The following SLC8B1 variants were observed in gnomAD, a reference collection of about 807,000 sequenced individuals.
SLC8B1 encodes mitochondrial sodium/calcium exchanger protein.
A neutral mutation model predicts 63.4 loss-of-function variants in SLC8B1; 52 were observed. The ratio of observed to expected loss-of-function variants is 0.82; its 90% CI spans 0.66 to 1.03. The LOEUF (loss-of-function observed/expected upper bound fraction) is 1.03, where lower values mean the gene tolerates loss of function less well. SLC8B1 is among the 50% of genes least tolerant of loss of function. The pLI is 0.00. For synonymous variants in SLC8B1, 336 were observed against 323.9 expected (o/e 1.04, Z -0.40); for missense variants, 657 against 741.7 (o/e 0.89, Z 1.33).
rs1956901794 is a variant in SLC8B1, at chr12:113,320,242, C to T, written c.694+89G>A. 2 of 1,454,318 alleles carry T rather than the reference C, an allele frequency of 1.4e-6. No individual in the cohort carries two copies. The highest frequency in any genetic ancestry group is 2.2e-5 in the Admixed American group (1 of 45,912). 90.1% of individuals were successfully genotyped at this position (1,454,318 alleles called of 1,614,324 possible). On this transcript the variant is annotated intron_variant, in intron 7 of 15. Coordinates refer to ENST00000680972, the MANE Select transcript of SLC8B1 (RefSeq NM_001358345.2). This position sits in a 1 kb window ranked among gnomAD's most constrained non-coding sequence, Gnocchi z 5.3. ...TAATCAAATCAAAGCCCCCACTGACCACCCCTCACACCTCTCTGTCCCAGG... is the reference window on the plus strand; with the variant it reads ...TAATCAAATCAAAGCCCCCACTGACTACCCCTCACACCTCTCTGTCCCAGG...
At chr12:113,322,326 T>A (rs917158263) in intron 2 of SLC8B1, among the ~76,000 whole-genome samples, 2 of 152,188 alleles carry the variant, frequency 1.3e-5, no homozygotes, top group Non-Finnish European at 2.9e-5. Flanking sequence ...CAGGCAGTTT[T>A]AGGCTCTAGG....
intron 15 of SLC8B1, among the ~76,000 whole-genome samples, chr12:113,303,114 G>GACACACACACACACACAC (rs57763094): frequency 2.8e-5 from 4 of 140,858 alleles, no homozygotes; most frequent in African/African-American, 1.1e-4. Flanking sequence ...AAAGGCGGTG[G>GACACACACACACACACAC]ACACACACAC....
intron 11 of SLC8B1, among the ~76,000 whole-genome samples, chr12:113,314,789 C>T (rs1188663409): frequency 6.6e-6 from 1 of 152,206 alleles, no homozygotes; most frequent in Admixed American, 6.5e-5. Flanking sequence ...TGCAGGCAAA[C>T]AAGCTAGAGG....
chr12:113,309,834 T>G (rs1956730936), intron 12 of SLC8B1, among the ~76,000 whole-genome samples: 1 of 151,144 alleles, frequency 6.6e-6, no homozygotes, highest in South Asian at 2.1e-4. Flanking sequence ...AGACGCGGAG[T>G]AGAGTCGTGG....
At chr12:113,329,725 C>T (rs1957035495) in intron 2 of SLC8B1, among the ~76,000 whole-genome samples, 1 of 152,178 alleles carries the variant, frequency 6.6e-6, no homozygotes, top group Non-Finnish European at 1.5e-5. Flanking sequence ...CAAAGAGGTG[C>T]ACACAGAGGT....
rs2136841862 is a variant in SLC8B1, at chr12:113,315,301, G to A, written c.1135+34C>T. 3.4e-6 allele frequency: 5 copies of A among 1,488,564 alleles called. No individual in the cohort carries two copies. In the East Asian group the frequency reaches 1.3e-4, roughly 37 times the overall value. The allele number at this position is 1,488,564 out of a possible 1,614,324, so 92.2% of individuals were successfully genotyped here. On this transcript the variant is annotated intron_variant, in intron 11 of 15. Coordinates refer to ENST00000680972, the MANE Select transcript of SLC8B1 (RefSeq NM_001358345.2). ...AACTCCAGAACGTGGGAAGGAGTAGGAAGGTGGGTTGGCCCGGGGTAGGGG... is the reference window on the plus strand; with the variant it reads ...AACTCCAGAACGTGGGAAGGAGTAGAAAGGTGGGTTGGCCCGGGGTAGGGG...
At chr12:113,317,896 TTGTGTATGGC>T (rs1473696901) in intron 8 of SLC8B1, among the ~76,000 whole-genome samples, 1 of 152,208 alleles carries the variant, frequency 6.6e-6, no homozygotes. Flanking sequence ...TGTTTTTGTG[TTGTGTATGGC>T]ATGCATGTAT....
At chr12:113,315,238 T>G in intron 11 of SLC8B1, 97 bp downstream of exon 11, 10 of 1,297,970 alleles carry the variant, frequency 7.7e-6, no homozygotes, top group African/African-American at 1.5e-5. Flanking sequence ...TGCAGTGAGC[T>G]GAGATCGTGC....
intron 14 of SLC8B1, among the ~76,000 whole-genome samples, chr12:113,306,021 C>T (rs1351290814): frequency 2.1e-5 from 3 of 146,236 alleles, no homozygotes; most frequent in South Asian, 2.2e-4. Flanking sequence ...ATCACGCCAC[C>T]GCACTCCAGC....
At chr12:113,321,017 C>A in intron 4 of SLC8B1, 39 bp downstream of exon 4, 1 of 1,602,138 alleles carries the variant, frequency 6.2e-7, no homozygotes, top group Non-Finnish European at 8.5e-7. Context: ...ACCCCTCCTC[C>A]CATTGATAAG....
At chr12:113,315,561 C>T in intron 10 of SLC8B1, 85 bp from the exon 11 acceptor site, 2 of 1,429,176 alleles carry the variant, frequency 1.4e-6, no homozygotes, top group South Asian at 1.4e-5. Context: ...GACTCAAGAG[C>T]TCGGCCGTTC....
intron 11 of SLC8B1, among the ~76,000 whole-genome samples, chr12:113,312,984 C>A: frequency 6.6e-6 from 1 of 152,018 alleles, no homozygotes; most frequent in Non-Finnish European, 1.5e-5. Context: ...CGGCTCACTG[C>A]AGCCTCTGCC....
chr12:113,303,942 G>A (rs1193527571), intron 15 of SLC8B1, among the ~76,000 whole-genome samples: 2 of 152,056 alleles, frequency 1.3e-5, no homozygotes, highest in African/African-American at 2.4e-5. Flanking sequence ...GTGCAGTGGC[G>A]CAATCTTGGC....
At chr12:113,306,615 TC>T in intron 13 of SLC8B1, 40 bp from the exon 14 acceptor site, 1 of 1,525,540 alleles carries the variant, frequency 6.6e-7, no homozygotes. Context: ...GTGAGTCGCT[TC>T]CCCCACCCTC....
At chr12:113,329,319 C>T (rs749573142) in intron 2 of SLC8B1, among the ~76,000 whole-genome samples, 2 of 152,134 alleles carry the variant, frequency 1.3e-5, no homozygotes, top group Non-Finnish European at 2.9e-5. Context: ...GAAAGTTACT[C>T]GCTGAAGCTC....
intron 11 of SLC8B1, among the ~76,000 whole-genome samples, chr12:113,310,743 C>G (rs1243233651): frequency 2.0e-5 from 3 of 152,188 alleles, no homozygotes; most frequent in Non-Finnish European, 2.9e-5. Context: ...ATGAACCTGA[C>G]AGTCAAACCC....
chr12:113,317,476 A>G (rs1566235286), intron 8 of SLC8B1, among the ~76,000 whole-genome samples: 1 of 152,218 alleles, frequency 6.6e-6, no homozygotes, highest in African/African-American at 2.4e-5. Context: ...TTCACCAAAC[A>G]TGGCCAAATG....
At position 113,299,520 on chromosome 12, in the gene SLC8B1, C is replaced by G. The variant is rs924814187; in HGVS notation, c.*257G>C. On this transcript the variant is annotated 3_prime_UTR_variant, in exon 16 of 16. Coordinates refer to ENST00000680972, the MANE Select transcript of SLC8B1 (RefSeq NM_001358345.2). ...TCTGGGGGTCATTCAAGGGGGACTT[C>G]TAGCTTCTCTCTGGAACCCTTTGTC... 3.8e-5 allele frequency: 18 copies of G among 476,462 alleles called. No individual in the cohort carries two copies. The highest frequency in any genetic ancestry group is 6.9e-5 in the Non-Finnish European group (18 of 259,700). The allele number at this position is 476,462 out of a possible 1,614,324, so 29.5% of individuals were successfully genotyped here. A position where few individuals can be genotyped will look rare whatever the true frequency, so the allele number is the denominator to read the frequency against.
Position 113,299,839 on chromosome 12 carries a change from G to C in SLC8B1, c.1693C>G (p.Leu565Val). ...AGGAGGGCCACGACAAGGAAGTTCA[G>C]GTAGAAGAGGAGCAGGCAGAAGCCA... ...VYGFCLLLFY[L>V]NFLVVALLTE... Residue 565 changes from leucine (L) to valine (V), a missense_variant, in exon 16 of 16, where the codon CTG becomes GTG. Physicochemically the swap from Leu to Val is conservative, Grantham distance 32. Coordinates refer to ENST00000680972, the MANE Select transcript of SLC8B1 (RefSeq NM_001358345.2). 2 of 1,614,250 alleles carry C rather than the reference G, an allele frequency of 1.2e-6. No homozygotes were observed. The highest frequency in any genetic ancestry group is 2.2e-5 in the East Asian group (1 of 44,888).
Sources: allele counts gnomAD v4.1 joint callset (sites outside exome capture counted in the v4.1 genomes callset), GRCh38; gene constraint gnomAD v4.1.1; non-coding constraint Gnocchi (gnomAD v3.1); transcripts MANE v1.5; gene names NCBI Gene and HGNC (gene_info 2026-07-23, HGNC 2026-07-21).